The following CADM2 variants were observed in gnomAD, a reference collection of about 807,000 sequenced individuals.
The protein encoded by CADM2 is cell adhesion molecule 2.
Under a neutral mutation model 49.8 loss-of-function variants are expected in CADM2, and 12 were observed. That is an observed-to-expected ratio of 0.24 (90% CI 0.15 to 0.39). The LOEUF is 0.39. CADM2 is among the 10% of genes least tolerant of loss of function. The pLI is 1.00. For missense variants in CADM2, 378 were observed against 492.3 expected, an observed-to-expected ratio of 0.77 and a Z score of 2.20; for synonymous variants, 214 against 175.4, an observed-to-expected ratio of 1.22 and a Z score of -1.74.
At chr3:85,658,589 T>C (rs988365751) in intron 1 of CADM2, among the ~76,000 whole-genome samples, 1 of 126,638 alleles carries the variant, frequency 7.9e-6, no homozygotes, top group African/African-American at 2.9e-5. Flanking sequence ...TATATATATA[T>C]ATATATATAT....
chr3:85,106,001 G>A (rs577003788), intron 1 of CADM2, among the ~76,000 whole-genome samples: 1 of 151,980 alleles, frequency 6.6e-6, no homozygotes, highest in Non-Finnish European at 1.5e-5. Flanking sequence ...GCTAAATGAC[G>A]AGTTAATGGG....
At chr3:85,758,288 G>A (rs909393461) in intron 2 of CADM2, among the ~76,000 whole-genome samples, 16 of 152,124 alleles carry the variant, frequency 1.1e-4, no homozygotes, top group African/African-American at 3.9e-4. Context: ...TGGACATCTA[G>A]ATGGCACTCA....
At chr3:84,970,044 CTTT>C (rs33980527) in intron 1 of CADM2, among the ~76,000 whole-genome samples, 5 of 103,566 alleles carry the variant, frequency 4.8e-5, no homozygotes, top group Admixed American at 2.2e-4. Context: ...GACTGACCTG[CTTT>C]TTTTTTTTTT....
At position 85,018,051 on chromosome 3, in the gene CADM2, T is replaced by C. The variant is rs1288642083; in HGVS notation, c.61+58383T>C. ...GTTTTTTCAATTCCTAGTAACCTTC[T>C]AGTTAGACAGAAATAGACATTTTCA... is the stretch of plus-strand genomic sequence containing the variant. On this transcript the variant is annotated intron_variant, in intron 1 of 9. Coordinates refer to ENST00000383699, the MANE Select transcript of CADM2 (RefSeq NM_001167675.2). Among the ~76,000 whole-genome samples, 4 of 152,308 alleles carry C rather than the reference T, an allele frequency of 2.6e-5. No homozygotes were observed. The East Asian group carries it at 7.7e-4, about 29-fold the overall frequency.
intron 8 of CADM2, chr3:86,013,865 T>G (rs565832216): frequency 1.9e-6 from 3 of 1,594,272 alleles, no homozygotes; most frequent in East Asian, 2.2e-5. Context: ...AAATGAAAGT[T>G]GTTGCTTCTA....
At chr3:85,947,366 C>A in intron 7 of CADM2, among the ~76,000 whole-genome samples, 1 of 151,020 alleles carries the variant, frequency 6.6e-6, no homozygotes, top group East Asian at 1.9e-4. Flanking sequence ...GGATACAGAG[C>A]ATTTAGATTG....
At chr3:85,965,961 C>T (rs1410076839) in intron 8 of CADM2, among the ~76,000 whole-genome samples, 2 of 151,728 alleles carry the variant, frequency 1.3e-5, no homozygotes, top group Non-Finnish European at 3.0e-5. Flanking sequence ...AGAACATCTA[C>T]GGAAAGTGAG....
At chr3:85,314,702 T>C (rs1190388751) in intron 1 of CADM2, among the ~76,000 whole-genome samples, 1 of 152,180 alleles carries the variant, frequency 6.6e-6, no homozygotes, top group Non-Finnish European at 1.5e-5. Context: ...TGTTTCTTAC[T>C]GGTAAAACCC....
intron 1 of CADM2, among the ~76,000 whole-genome samples, chr3:85,685,624 T>A (rs910378087): frequency 2.0e-5 from 3 of 148,640 alleles, no homozygotes; most frequent in Admixed American, 1.3e-4. Flanking sequence ...TCTTTTTTTT[T>A]TTTTTTTTTT....
intron 3 of CADM2, among the ~76,000 whole-genome samples, chr3:85,864,235 T>A (rs1355657670): frequency 6.6e-6 from 1 of 152,222 alleles, no homozygotes; most frequent in Non-Finnish European, 1.5e-5. Flanking sequence ...TTTGTTAGTA[T>A]GTCAAAATGC....
intron 8 of CADM2, among the ~76,000 whole-genome samples, chr3:85,964,240 T>C (rs1358251948): frequency 6.6e-6 from 1 of 151,844 alleles, no homozygotes; most frequent in Non-Finnish European, 1.5e-5. Context: ...AACTTTACCC[T>C]TTTATCTTTT....
chr3:85,671,133 T>G (rs2065722869), intron 1 of CADM2, among the ~76,000 whole-genome samples: 1 of 152,204 alleles, frequency 6.6e-6, no homozygotes, highest in Admixed American at 6.5e-5. Context: ...TAAATAATGT[T>G]TCTCCTATAA....
At chr3:85,905,035 T>C (rs1716612482) in intron 5 of CADM2, among the ~76,000 whole-genome samples, 1 of 152,142 alleles carries the variant, frequency 6.6e-6, no homozygotes, top group African/African-American at 2.4e-5. Context: ...ATTGAAAAGA[T>C]TTAACAGCTA....
At chr3:85,375,852 T>A (rs1461712947) in intron 1 of CADM2, among the ~76,000 whole-genome samples, 2 of 152,178 alleles carry the variant, frequency 1.3e-5, no homozygotes, top group East Asian at 3.9e-4. Flanking sequence ...GAGGGTCATT[T>A]GTACAGTATA....
At chr3:85,228,122 G>T (rs529742094) in intron 1 of CADM2, among the ~76,000 whole-genome samples, 3 of 152,152 alleles carry the variant, frequency 2.0e-5, no homozygotes, top group African/African-American at 7.2e-5. Flanking sequence ...TCTTTTTGAG[G>T]AATATCTTTG....
At chr3:85,742,083 C>T (rs931301693) in intron 2 of CADM2, among the ~76,000 whole-genome samples, 11 of 152,200 alleles carry the variant, frequency 7.2e-5, no homozygotes, top group African/African-American at 1.4e-4. Context: ...CAGTACCTAA[C>T]GCTTATGGTC....
At chr3:85,628,665 G>T (rs1261585291) in intron 1 of CADM2, among the ~76,000 whole-genome samples, 4 of 143,588 alleles carry the variant, frequency 2.8e-5, no homozygotes, top group African/African-American at 1.0e-4. Flanking sequence ...ATGTATATGT[G>T]TATATATACA....
intron 8 of CADM2, among the ~76,000 whole-genome samples, chr3:85,987,772 AAAGT>A (rs1327997262): frequency 6.6e-6 from 1 of 150,392 alleles, no homozygotes; most frequent in East Asian, 1.9e-4. Context: ...TATCGAGGCT[AAAGT>A]GAGTTATTAT....
chr3:85,788,381 A>G (rs561122484), intron 2 of CADM2, among the ~76,000 whole-genome samples: 1 of 152,232 alleles, frequency 6.6e-6, no homozygotes, highest in South Asian at 2.1e-4. Context: ...CCATTTTGAA[A>G]TTTCTTATTA....
Sources: allele counts gnomAD v4.1 joint callset (sites outside exome capture counted in the v4.1 genomes callset), GRCh38; gene constraint gnomAD v4.1.1; transcripts MANE v1.5; gene names NCBI Gene and HGNC (gene_info 2026-07-23, HGNC 2026-07-21).